The following SLC8A2 variants were observed in gnomAD, a reference collection of about 807,000 sequenced individuals.
The protein encoded by SLC8A2 is sodium/calcium exchanger 2.
In SLC8A2, 14 loss-of-function variants were observed where a neutral mutation model predicts 70.2. The ratio of observed to expected loss-of-function variants is 0.20; its 90% CI spans 0.13 to 0.31. SLC8A2 has a LOEUF of 0.31. Among genes scored for constraint, SLC8A2 ranks in the 10% least tolerant of loss-of-function variants. The probability of loss-of-function intolerance (pLI) is 1.00; values close to 1 mark genes in which losing one functional copy is unlikely to be tolerated. For missense variants in SLC8A2, 779 were observed against 1,320.1 expected, an observed-to-expected ratio of 0.59 and a Z score of 6.35; for synonymous variants, 575 against 594.3, an observed-to-expected ratio of 0.97 and a Z score of 0.47.
intron 8 of SLC8A2, 21 bp downstream of exon 8, chr19:47,437,441 C>G: frequency 6.8e-7 from 1 of 1,464,382 alleles, no homozygotes; most frequent in Non-Finnish European, 9.6e-7. Flanking sequence ...TCTCTCTTCT[C>G]TCTCCTCCCT....
intron 2 of SLC8A2, among the ~76,000 whole-genome samples, 172 bp from the exon 3 acceptor site, chr19:47,457,766 CCTTT>C (rs377574064): frequency 1.2e-3 from 175 of 143,228 alleles, no homozygotes; most frequent in Middle Eastern, 3.6e-3. Flanking sequence ...TTCTTTCTTT[CCTTT>C]CTTTCTTTTT....
rs1967320487 is a variant in SLC8A2 at position 47,457,396 on chromosome 19, G to A, written c.874C>T (p.Pro292Ser). The A allele has an allele frequency of 1.3e-6, 2 of 1,563,712 alleles. No homozygotes were observed. Among genetic ancestry groups the A allele is most frequent in the South Asian group, 1.2e-5 (1 of 84,920 alleles). The change falls in exon 3 of 10, where the codon CCA becomes TCA. Residue 292 changes from proline to serine, a missense_variant. Pro to Ser is a moderately conservative substitution (Grantham distance 74). Coordinates refer to ENST00000236877, the MANE Select transcript of SLC8A2 (RefSeq NM_015063.3). ...GGGCCCAGGCCGCCCAGCTCACCTG[G>A]GGCCTCGGCGCCCACGAACGTGCCG... is the stretch of plus-strand genomic sequence containing the variant. Reference protein sequence around the residue: ...LDGTFVGAEAPGELGGLGPGP... With the variant: ...LDGTFVGAEASGELGGLGPGP...
At chr19:47,461,424 A>G (rs2248405) in intron 2 of SLC8A2, among the ~76,000 whole-genome samples, 32,199 of 150,112 alleles carry the variant, frequency 0.21, 4,011 homozygotes, top group African/African-American at 0.35. Flanking sequence ...CAGGAGAATC[A>G]CTTGAATCTA....
At chr19:47,461,067 G>A (rs979901005) in intron 2 of SLC8A2, among the ~76,000 whole-genome samples, 2 of 152,076 alleles carry the variant, frequency 1.3e-5, no homozygotes, top group South Asian at 4.2e-4. Flanking sequence ...GCAGGCGCCT[G>A]TAATCCCAGC....
chr19:47,439,907 G>A (rs760862385), intron 6 of SLC8A2, among the ~76,000 whole-genome samples: 12 of 152,118 alleles, frequency 7.9e-5, no homozygotes, highest in African/African-American at 1.4e-4. Context: ...TAAGTGATCC[G>A]CCCGCCTGGG....
At chr19:47,446,343 G>A (rs1417946594) in intron 4 of SLC8A2, among the ~76,000 whole-genome samples, 1 of 152,196 alleles carries the variant, frequency 6.6e-6, no homozygotes, top group African/African-American at 2.4e-5. Flanking sequence ...GGTCACCTGT[G>A]TAAGGGGTGG....
intron 4 of SLC8A2, among the ~76,000 whole-genome samples, chr19:47,445,967 T>C (rs1030846450): frequency 5.3e-5 from 8 of 151,914 alleles, no homozygotes; most frequent in Non-Finnish European, 1.0e-4. Flanking sequence ...GCCTGAAATA[T>C]AAGCTGAGTC....
Position 47,432,216 on chromosome 19 carries a change from C to G in SLC8A2, c.2340G>C (p.Lys780Asn). 6.2e-7 allele frequency: 1 copy of G among 1,613,986 alleles called. No homozygotes were observed. The highest frequency in any genetic ancestry group is 8.5e-7 in the Non-Finnish European group (1 of 1,179,932). Residue 780 changes from lysine (K) to asparagine (N), a missense_variant, in exon 9 of 10, where the codon AAG (lysine) becomes AAC (asparagine). Lys to Asn is a moderately conservative substitution (Grantham distance 94, BLOSUM62 0). Around this residue, in one of 6 missense-constraint regions of SLC8A2, gnomAD observed 108 missense variants for 269.6 expected, o/e 0.40. Coordinates refer to ENST00000236877, the MANE Select transcript of SLC8A2 (RefSeq NM_015063.3). This position sits in a 1 kb window ranked among gnomAD's most constrained non-coding sequence, Gnocchi z 6.2. Reference protein sequence around the residue: ...ASHFGCTVGLKDSVNAVVFVA... With the variant: ...ASHFGCTVGLNDSVNAVVFVA... ...CGAAGACAACAGCATTGACAGAGTC[C>G]TTGAGGCCAACGGTGCAGCCGAAGT...
chr19:47,452,526 C>T (rs1005667739), intron 3 of SLC8A2, among the ~76,000 whole-genome samples: 6 of 148,598 alleles, frequency 4.0e-5, no homozygotes, highest in Non-Finnish European at 7.4e-5. Context: ...TGCAGTGGCG[C>T]GATCTTGGCT....
At chr19:47,467,279 C>T (rs1967475067) in intron 1 of SLC8A2, among the ~76,000 whole-genome samples, 1 of 152,200 alleles carries the variant, frequency 6.6e-6, no homozygotes, top group Non-Finnish European at 1.5e-5. Context: ...CACAAAAGCA[C>T]TCAAACTGCA....
rs1415172887 is a variant in SLC8A2, at chr19:47,448,279, G to T, written c.1341-48C>A. 7 of 1,466,430 alleles carry T rather than the reference G, an allele frequency of 4.8e-6. No individual in the cohort carries two copies. Among genetic ancestry groups the T allele is most frequent in the Non-Finnish European group, 6.5e-6 (7 of 1,075,980 alleles). 90.8% of individuals were successfully genotyped at this position (1,466,430 alleles called of 1,614,324 possible). ...AAGAGCGGGGTGAGGGTCGGTCATCGGCTGTGTGTTGTACGGGGGGAGTCT... is the reference window on the plus strand; with the variant it reads ...AAGAGCGGGGTGAGGGTCGGTCATCTGCTGTGTGTTGTACGGGGGGAGTCT... On this transcript the variant is annotated intron_variant, in intron 3 of 9. Transcript: ENST00000236877. This position sits in a 1 kb window ranked among gnomAD's most constrained non-coding sequence, Gnocchi z 4.8.
At chr19:47,442,417 C>T (rs1451254210) in intron 4 of SLC8A2, among the ~76,000 whole-genome samples, 5 of 152,216 alleles carry the variant, frequency 3.3e-5, no homozygotes, top group African/African-American at 1.2e-4. Flanking sequence ...GGATGGCCCA[C>T]AAGACCCCCT....
chr19:47,457,091 G>A lies in SLC8A2; in HGVS notation c.1179C>T (p.Ala393=). The change falls in exon 3 of 10, where the codon GCC becomes GCT. Residue 393 remains alanine (A), a synonymous_variant. Transcript: ENST00000236877. The part of the protein sequence containing the change: ...EGAGEDEDDG[A]SRIFFEPSLY... ...GGCTAGGCTCGAAGAAGATGCGGCT[G>A]GCGCCGTCGTCTTCGTCCTCGCCCG... The A allele has an allele frequency of 1.3e-6, 2 of 1,568,488 alleles. No homozygotes were observed. Among genetic ancestry groups the A allele is most frequent in the South Asian group, 2.3e-5 (2 of 85,922 alleles).
intron 3 of SLC8A2, among the ~76,000 whole-genome samples, chr19:47,452,445 A>AGAGAGAGTGTGT (rs1568444583): frequency 1.8e-5 from 1 of 54,102 alleles, no homozygotes; most frequent in African/African-American, 9.1e-5. Context: ...AGAGAGAGAG[A>AGAGAGAGTGTGT]GTGTGTGTGT....
intron 3 of SLC8A2, among the ~76,000 whole-genome samples, chr19:47,451,501 G>A (rs1280212096): frequency 6.6e-6 from 1 of 152,040 alleles, no homozygotes; most frequent in Admixed American, 6.6e-5. Context: ...TAGACATGGG[G>A]TTTTGCCATG....
chr19:47,454,650 C>T (rs1414944010), intron 3 of SLC8A2, among the ~76,000 whole-genome samples: 1 of 152,040 alleles, frequency 6.6e-6, no homozygotes, highest in East Asian at 1.9e-4. Context: ...GATGGGCAGA[C>T]AAAAGGATCC....
Position 47,449,777 on chromosome 19 carries a change from C to T in SLC8A2, c.1341-1546G>A, listed in dbSNP as rs78580541. On this transcript the variant is annotated intron_variant, in intron 3 of 9. Coordinates refer to ENST00000236877, the MANE Select transcript of SLC8A2 (RefSeq NM_015063.3). ...ATGATGACAGCAGAGGGAGCCAGGA[C>T]GAGAGGGTGGAAGATGACATCACAG... 8.2e-3 allele frequency among the ~76,000 whole-genome samples: 1,243 copies of T among 152,116 alleles called. 15 individuals carry two copies. Among genetic ancestry groups the T allele is most frequent in the Middle Eastern group, 0.024 (7 of 294 alleles).
At chr19:47,446,717 AT>A (rs1338000832) in intron 4 of SLC8A2, among the ~76,000 whole-genome samples, 2 of 152,186 alleles carry the variant, frequency 1.3e-5, no homozygotes, top group Non-Finnish European at 2.9e-5. Flanking sequence ...TAGAAAAATT[AT>A]TTTTAGAGTA....
At position 47,448,294 on chromosome 19, in the gene SLC8A2, G is replaced by T; in HGVS notation, c.1341-63C>A. ...GTCGGTCATCGGCTGTGTGTTGTAC[G>T]GGGGGAGTCTGGACGTGCTTCCCAG... On this transcript the variant is annotated intron_variant, in intron 3 of 9. Transcript: ENST00000236877. The surrounding 1 kb of genome is among the most constrained non-coding windows in gnomAD (Gnocchi z 4.8). The T allele has an allele frequency of 2.3e-6, 3 of 1,304,920 alleles. No homozygotes were observed. The highest frequency in any genetic ancestry group is 2.7e-5 in the South Asian group (2 of 74,426). The allele number at this position is 1,304,920 out of a possible 1,614,324, so 80.8% of individuals were successfully genotyped here.
Sources: allele counts gnomAD v4.1 joint callset (sites outside exome capture counted in the v4.1 genomes callset), GRCh38; gene constraint gnomAD v4.1.1; regional missense constraint gnomAD v4.1.1; non-coding constraint Gnocchi (gnomAD v3.1); transcripts MANE v1.5; gene names NCBI Gene and HGNC (gene_info 2026-07-23, HGNC 2026-07-21).